Variants in PRKG1 observed in about 807,000 individuals in gnomAD.
The protein encoded by PRKG1 is cGMP-dependent protein kinase 1.
A neutral mutation model predicts 88.1 loss-of-function variants in PRKG1; 35 were observed. That is an observed-to-expected ratio of 0.40 (90% confidence interval 0.30 to 0.53). The LOEUF is 0.53. Among genes scored for constraint, PRKG1 ranks in the 20% least tolerant of loss-of-function variants. The probability of loss-of-function intolerance (pLI) is 0.59; values close to 1 mark genes in which losing one functional copy is unlikely to be tolerated. For missense variants in PRKG1, 540 were observed against 839.8 expected (o/e 0.64, Z 4.41); for synonymous variants, 303 against 292.5 (o/e 1.04, Z -0.37).
intron 4 of PRKG1, among the ~76,000 whole-genome samples, chr10:51,805,652 A>C (rs1471294476): frequency 2.0e-5 from 3 of 152,032 alleles, no homozygotes; most frequent in African/African-American, 7.2e-5. Context: ...AGTCAAATTC[A>C]CATTTTGCTT....
intron 3 of PRKG1, among the ~76,000 whole-genome samples, chr10:51,700,872 T>C (rs1841447479): frequency 6.6e-6 from 1 of 152,172 alleles, no homozygotes; most frequent in Admixed American, 6.5e-5. Context: ...TTTGCAATAA[T>C]AAATTGTGTT....
At chr10:51,559,982 C>G (rs12241697) in intron 3 of PRKG1, among the ~76,000 whole-genome samples, 22,607 of 152,074 alleles carry the variant, frequency 0.15, 1,862 homozygotes, top group African/African-American at 0.22. Context: ...ACTATGTTTT[C>G]TTCTAGTAAA....
chr10:51,758,743 C>T (rs7893485), intron 3 of PRKG1, among the ~76,000 whole-genome samples: 61,681 of 151,680 alleles, frequency 0.41, 13,143 homozygotes, highest in Middle Eastern at 0.55. Context: ...GTTTGTTACA[C>T]AGGCATACAT....
intron 3 of PRKG1, among the ~76,000 whole-genome samples, chr10:51,511,431 A>T (rs935747705): frequency 1.3e-5 from 2 of 152,188 alleles, no homozygotes; most frequent in Non-Finnish European, 2.9e-5. Context: ...GAGCTATTTG[A>T]GTGACTTACT....
At chr10:52,286,225 T>TA (rs1251679842) in intron 14 of PRKG1, among the ~76,000 whole-genome samples, 2 of 152,100 alleles carry the variant, frequency 1.3e-5, no homozygotes, top group African/African-American at 4.8e-5. Flanking sequence ...TGAAGACAGT[T>TA]AAAGTTCCAG....
chr10:51,363,547 G>T (rs1200791520), intron 2 of PRKG1, among the ~76,000 whole-genome samples: 2 of 151,930 alleles, frequency 1.3e-5, no homozygotes, highest in African/African-American at 4.8e-5. Flanking sequence ...ATAATACCAG[G>T]AAGCCTCCCA....
chr10:52,069,833 T>C (rs1345055828), intron 7 of PRKG1, among the ~76,000 whole-genome samples: 1 of 152,136 alleles, frequency 6.6e-6, no homozygotes. Flanking sequence ...TGTGAAATAT[T>C]ATTCTGTTTC....
intron 4 of PRKG1, among the ~76,000 whole-genome samples, chr10:51,805,473 ATTACT>A (rs1839280972): frequency 6.6e-6 from 1 of 152,056 alleles, no homozygotes; most frequent in African/African-American, 2.4e-5. Context: ...TATTTTTAAA[ATTACT>A]TTTCTTTTGA....
intron 8 of PRKG1, among the ~76,000 whole-genome samples, chr10:52,154,276 A>G (rs965057908): frequency 2.6e-5 from 4 of 152,188 alleles, no homozygotes; most frequent in African/African-American, 9.7e-5. Flanking sequence ...TGCAGCTTTT[A>G]CCAAATGTTT....
At chr10:52,110,119 C>A (rs981978602) in intron 7 of PRKG1, among the ~76,000 whole-genome samples, 1 of 151,822 alleles carries the variant, frequency 6.6e-6, no homozygotes, top group Non-Finnish European at 1.5e-5. Flanking sequence ...GAGGCCGAGG[C>A]GGGCGGATCA....
intron 7 of PRKG1, chr10:52,125,626 T>C (rs549921878): frequency 6.6e-6 from 1 of 152,276 alleles, no homozygotes; most frequent in African/African-American, 2.4e-5. Context: ...GTAATGCCTT[T>C]CCTATCTTAA....
At chr10:52,062,361 T>C (rs557027758) in intron 6 of PRKG1, among the ~76,000 whole-genome samples, 176 bp from the exon 7 acceptor site, 5 of 152,342 alleles carry the variant, frequency 3.3e-5, no homozygotes, top group African/African-American at 1.2e-4. Flanking sequence ...TAAGCTCTTG[T>C]GGTTTTCCTG....
At chr10:52,153,422 C>CA (rs1443316454) in intron 8 of PRKG1, among the ~76,000 whole-genome samples, 4 of 152,160 alleles carry the variant, frequency 2.6e-5, no homozygotes, top group Admixed American at 1.3e-4. Flanking sequence ...ACCATCATAA[C>CA]AAAACCACAA....
In PRKG1 at chr10:51,253,589, G is replaced by C. The variant is rs116583011; in HGVS notation, c.478+100259G>C. ...TGTTCAAATTCTACTTTCTGAATCC[G>C]ATCAGCAAGTCTCAGAGAAGTCAGG... On this transcript the variant is annotated intron_variant, in intron 2 of 17. Coordinates refer to ENST00000373980, the MANE Select transcript of PRKG1 (RefSeq NM_006258.4). 5.8e-3 allele frequency among the ~76,000 whole-genome samples: 886 copies of C among 151,940 alleles called. 4 individuals are homozygous for C. Among genetic ancestry groups the C allele is most frequent in the African/African-American group, 0.02 (841 of 41,504 alleles).
intron 2 of PRKG1, among the ~76,000 whole-genome samples, chr10:51,170,061 A>T (rs1158168840): frequency 6.6e-6 from 1 of 151,928 alleles, no homozygotes; most frequent in Non-Finnish European, 1.5e-5. Context: ...ACACCTTCTG[A>T]CTGGGCTGGA....
chr10:52,114,662 T>C (rs1201331744), intron 7 of PRKG1, among the ~76,000 whole-genome samples: 2 of 152,076 alleles, frequency 1.3e-5, no homozygotes, highest in African/African-American at 2.4e-5. Flanking sequence ...AAACTTTTGC[T>C]CAATTGTGCA....
chr10:50,991,533 C>T lies in PRKG1; in HGVS notation c.155C>T (p.Thr52Ile). The T allele has an allele frequency of 1.2e-6, 2 of 1,610,744 alleles. No homozygotes were observed. The highest frequency in any genetic ancestry group is 1.7e-6 in the Non-Finnish European group (2 of 1,178,840). Reference sequence around the variant, plus strand: ...CAGTCGGTGCTCCCAGTGCCCTCGACCCACATCGGCCCCCGGACCACCCGG... The same window carrying T: ...CAGTCGGTGCTCCCAGTGCCCTCGATCCACATCGGCCCCCGGACCACCCGG... Residue 52 changes from threonine (T) to isoleucine (I), a missense_variant, in exon 1 of 18, where the codon ACC becomes ATC. By Grantham distance (89) the Thr-to-Ile change is moderately conservative. Transcript: ENST00000401604. The surrounding 1 kb of genome is among the most constrained non-coding windows in gnomAD (Gnocchi z 4.5).
intron 9 of PRKG1, among the ~76,000 whole-genome samples, chr10:52,228,298 A>AG (rs1226710806): frequency 6.6e-6 from 1 of 151,784 alleles, no homozygotes; most frequent in Non-Finnish European, 1.5e-5. Context: ...AAAAAAAAAA[A>AG]GAAATGAAGA....
At chr10:52,076,228 G>A (rs1846624946) in intron 7 of PRKG1, among the ~76,000 whole-genome samples, 1 of 152,142 alleles carries the variant, frequency 6.6e-6, no homozygotes, top group Admixed American at 6.6e-5. Context: ...ACTTTGGTTA[G>A]ATGAAGATTT....
Sources: gnomAD v4.1 joint callset for allele counts (sites outside exome capture counted in the v4.1 genomes callset) on GRCh38, gnomAD v4.1.1 for gene constraint, Gnocchi (gnomAD v3.1) non-coding constraint, MANE v1.5 for transcripts, NCBI Gene and HGNC (gene_info 2026-07-23, HGNC 2026-07-21) for gene names.